Variants in NACA observed in about 807,000 individuals in gnomAD.
The protein encoded by NACA is nascent polypeptide associated complex subunit alpha.
NACA carries 42 observed loss-of-function variants against 86.4 expected under a neutral mutation model. The ratio of observed to expected loss-of-function variants is 0.49; its 90% CI spans 0.38 to 0.63. The LOEUF (loss-of-function observed/expected upper bound fraction) is 0.63, where lower values mean the gene tolerates loss of function less well. Among genes scored for constraint, NACA ranks in the 20% least tolerant of loss-of-function variants. NACA has a pLI of 0.00. For missense variants in NACA, 2,157 were observed against 2,483.6 expected, an observed-to-expected ratio of 0.87 and a Z score of 2.80; for synonymous variants, 898 against 973.7, an observed-to-expected ratio of 0.92 and a Z score of 1.45.
chr12:56,718,783 G>A lies in NACA; in HGVS notation c.2747C>T (p.Ser916Phe), dbSNP rs904023128. The A allele has an allele frequency of 2.1e-6, 3 of 1,445,872 alleles. No individual in the cohort carries two copies. The Admixed American group carries it at 5.5e-5, about 26-fold the overall frequency. 89.6% of individuals were successfully genotyped at this position (1,445,872 alleles called of 1,614,324 possible). A position where few individuals can be genotyped will look rare whatever the true frequency, so the allele number is the denominator to read the frequency against. ...AGTTGCTCGGGCCTTTTTGGGGGAG[G>A]AAGAAGTCATGGATAGAGCAGGAGC... ...KQAPALSMTS[S>F]SPKKARATPA... The change falls in exon 3 of 9, where the codon TCC becomes TTC. Residue 916 changes from serine to phenylalanine, a missense_variant. By Grantham distance (155) the Ser-to-Phe change is radical. Around this residue, in one of 8 missense-constraint regions of NACA, gnomAD observed 174 missense variants for 217.0 expected, o/e 0.80. Coordinates refer to ENST00000454682, the MANE Select transcript of NACA (RefSeq NM_001365896.1).
rs1382622180 is a variant in NACA at position 56,720,639 on chromosome 12, G to C, written c.891C>G (p.Thr297=). ...CCAGAGAAATGGGAAAATCTGGGGG[G>C]GTGTTGGGACCCGCAGTCTTTTGAG... is the stretch of plus-strand genomic sequence containing the variant. The part of the protein sequence containing the change: ...TSSQKTAGPN[T]PPDFPISLGS... The change falls in exon 3 of 9, where the codon ACC becomes ACG. Residue 297 remains threonine (T), a synonymous_variant. Transcript: ENST00000454682. The C allele has an allele frequency of 1.2e-6, 2 of 1,613,948 alleles. No homozygotes were observed. Among genetic ancestry groups the C allele is most frequent in the Admixed American group, 3.3e-5 (2 of 60,014 alleles).
chr12:56,724,429 G>C (rs752422558), intron 2 of NACA, 23 bp downstream of exon 2: 1 of 1,597,746 alleles, frequency 6.3e-7, no homozygotes, highest in East Asian at 2.2e-5. Flanking sequence ...TTAATTAATG[G>C]CAAGGAGGGT....
At chr12:56,723,042 AG>A (rs1164068199) in intron 2 of NACA, among the ~76,000 whole-genome samples, 1 of 152,236 alleles carries the variant, frequency 6.6e-6, no homozygotes, top group African/African-American at 2.4e-5. Context: ...TAACGATTAC[AG>A]GAAAACGCTA....
chr12:56,716,356 C>T lies in NACA; in HGVS notation c.5174G>A (p.Gly1725Asp). 1.2e-6 allele frequency: 2 copies of T among 1,611,964 alleles called. No individual in the cohort carries two copies. Among genetic ancestry groups the T allele is most frequent in the Non-Finnish European group, 1.7e-6 (2 of 1,179,212 alleles). ...CACTGTGGAAAGGGGTCCTTTAGAACCATTCTTAGCTGAGGGATCTGGGCA... is the reference window on the plus strand; with the variant it reads ...CACTGTGGAAAGGGGTCCTTTAGAATCATTCTTAGCTGAGGGATCTGGGCA... ...PICPDPSAKNGSKGPLSTVAP... is the reference protein window; with the variant it reads ...PICPDPSAKNDSKGPLSTVAP... Residue 1725 changes from glycine to aspartate, a missense_variant, in exon 3 of 9, where the codon GGT (glycine) becomes GAT (aspartate). Physicochemically the swap from Gly to Asp is moderately conservative, Grantham distance 94 (BLOSUM62 -1). Coordinates refer to ENST00000454682, the MANE Select transcript of NACA (RefSeq NM_001365896.1).
intron 2 of NACA, among the ~76,000 whole-genome samples, chr12:56,722,790 AC>A (rs1438387315): frequency 6.6e-6 from 1 of 151,558 alleles, no homozygotes; most frequent in Non-Finnish European, 1.5e-5. Context: ...GTCAAAATAC[AC>A]CAATGTTTGG....
rs377340336 is a variant in NACA at position 56,721,117 on chromosome 12, G to A, written c.413C>T (p.Ala138Val). Residue 138 changes from alanine (A) to valine (V), a missense_variant, in exon 3 of 9, where the codon GCT (alanine) becomes GTT (valine). Coordinates refer to ENST00000454682, the MANE Select transcript of NACA (RefSeq NM_001365896.1). ...TGAGTGGGGAGCCAGGGCAACCAGA[G>A]CTAAGGGAGCTGAAGAGGAAGGGGT... ...KGTPSSSAPL[A>V]LVALAPHSVQ... is the part of the protein sequence containing the mutation. The A allele has an allele frequency of 3.1e-6, 5 of 1,613,854 alleles. No homozygotes were observed. The highest frequency in any genetic ancestry group is 1.7e-5 in the Admixed American group (1 of 59,996).
At position 56,719,438 on chromosome 12, in the gene NACA, A is replaced by G. The variant is rs2137823086; in HGVS notation, c.2092T>C (p.Leu698=). 1.9e-6 allele frequency: 3 copies of G among 1,613,010 alleles called. No individual in the cohort carries two copies. The South Asian group carries it at 3.3e-5, about 18-fold the overall frequency. ...TCTGAAGCTGTAGGAACCAAGGGTA[A>G]AGTAGTAAGAGTACCTTCCTTAACT... is the stretch of plus-strand genomic sequence containing the variant. ...HPVKEGTLTT[L]PLVPTASENC... The change falls in exon 3 of 9, where the codon TTA becomes CTA. Residue 698 remains leucine, a synonymous_variant. Coordinates refer to ENST00000454682, the MANE Select transcript of NACA (RefSeq NM_001365896.1).
rs546360887 is a variant in NACA, at chr12:56,716,317, A to G, written c.5213T>C (p.Leu1738Pro). ...GPLSTVAPAP[L>P]LPVQKDSSKT... ...TGAAGAGTCTTTCTGAACAGGGAGT[A>G]GAGGGGCTGGAGCCACTGTGGAAAG... The change falls in exon 3 of 9, where the codon CTA becomes CCA. Residue 1738 changes from leucine to proline, a missense_variant. Physicochemically the swap from Leu to Pro is moderately conservative, Grantham distance 98. Coordinates refer to ENST00000454682, the MANE Select transcript of NACA (RefSeq NM_001365896.1). 9.3e-6 allele frequency: 15 copies of G among 1,612,908 alleles called. No homozygotes were observed. In the East Asian group the frequency reaches 3.3e-4, roughly 36 times the overall value.
In NACA at chr12:56,715,924, CCAG is replaced by C; in HGVS notation, c.5603_5605del (p.Ala1868del). 6.6e-7 allele frequency: 1 copy of C among 1,523,380 alleles called. No individual in the cohort carries two copies. Among genetic ancestry groups the C allele is most frequent in the Non-Finnish European group, 8.8e-7 (1 of 1,135,790 alleles). 94.4% of individuals were successfully genotyped at this position (1,523,380 alleles called of 1,614,324 possible). On this transcript the variant is annotated inframe_deletion, in exon 3 of 9. Coordinates refer to ENST00000454682, the MANE Select transcript of NACA (RefSeq NM_001365896.1). The stretch of plus-strand genomic sequence containing the variant: ...GGCAGAGGGGGTTGGGACAGGGATT[CCAG>C]CAGATTTAGGGGTGGGCATGTTGAC...
rs75059669 is a variant in NACA, at chr12:56,721,300, G to A, written c.230C>T (p.Pro77Leu). 4.5e-4 allele frequency: 733 copies of A among 1,612,836 alleles called. 1 individual carries two copies. The African/African-American group carries it at 9.3e-3, about 20-fold the overall frequency. The change falls in exon 3 of 9, where the codon CCT (proline) becomes CTT (leucine). Residue 77 changes from proline to leucine, a missense_variant. Transcript: ENST00000454682. ...FPSPSTIAST[P>L]LEVPFPQSSS... The stretch of plus-strand genomic sequence containing the variant: ...TGACTGGGGAAAAGGAACTTCTAAA[G>A]GGGTCGAGGCAATAGTAGAGGGGGA...
In NACA at chr12:56,716,745, G is replaced by A. The variant is rs752651361; in HGVS notation, c.4785C>T (p.Ser1595=). Residue 1595 remains serine (S), a synonymous_variant, in exon 3 of 9, where the codon TCC becomes TCT. Coordinates refer to ENST00000454682, the MANE Select transcript of NACA (RefSeq NM_001365896.1). ...VTPSTYKGAP[S]PKELLIPPAV... ...CTGGTGGAATGAGGAGCTCTTTGGG[G>A]GATGGGGCCCCTTTGTAAGTGGAAG... 1.2e-5 allele frequency: 17 copies of A among 1,385,914 alleles called. No homozygotes were observed. The South Asian group carries it at 1.8e-4, about 15-fold the overall frequency. 85.9% of individuals were successfully genotyped at this position (1,385,914 alleles called of 1,614,324 possible).
Position 56,719,710 on chromosome 12 carries a change from C to G in NACA, c.1820G>C (p.Ser607Thr). 1.9e-6 allele frequency: 3 copies of G among 1,613,948 alleles called. No homozygotes were observed. Among genetic ancestry groups the G allele is most frequent in the Non-Finnish European group, 2.5e-6 (3 of 1,179,872 alleles). Residue 607 changes from serine to threonine, a missense_variant, in exon 3 of 9, where the codon AGT becomes ACT. By Grantham distance (58) the Ser-to-Thr change is moderately conservative. This residue lies in a region of NACA where 947 missense variants were observed against 917.9 expected (regional missense o/e 1.03). Transcript: ENST00000454682. ...GTTAACACCCAGAGGGGAGGTCATA[C>G]TGCTGGCTGGCTTACCTATAGGGAG... Reference protein sequence around the residue: ...EPLPIGKPASSMTSPLGVNSS... With the variant: ...EPLPIGKPASTMTSPLGVNSS...
intron 5 of NACA, 193 bp from the exon 6 acceptor site, chr12:56,713,876 C>T: frequency 1.7e-6 from 1 of 592,220 alleles, no homozygotes; most frequent in Non-Finnish European, 2.9e-6. Flanking sequence ...AGGTCTTGCT[C>T]TGTCGCCCAG....
intron 6 of NACA, 39 bp from the exon 7 acceptor site, chr12:56,713,229 G>C (rs1953263250): frequency 6.2e-7 from 1 of 1,603,778 alleles, no homozygotes; most frequent in Non-Finnish European, 8.5e-7. Flanking sequence ...GAGTAGATTA[G>C]CAGTCTTTGA....
chr12:56,714,298 AAT>A, intron 5 of NACA, 62 bp downstream of exon 5: 1 of 1,535,934 alleles, frequency 6.5e-7, no homozygotes, highest in Non-Finnish European at 9.0e-7. Flanking sequence ...AACCTATGGA[AAT>A]AAACAGTTCC....
At chr12:56,712,987 T>C in intron 7 of NACA, 75 bp downstream of exon 7, 1 of 1,611,058 alleles carries the variant, frequency 6.2e-7, no homozygotes, top group Non-Finnish European at 8.5e-7. Context: ...CTGAATCTAG[T>C]TTTTAATATA....
In NACA at chr12:56,712,858, T is replaced by C; in HGVS notation, c.6150A>G (p.Gln2050=). ...CTGCCTTTGCTCTCGACACATTTGCTTGTGACATGACCAATTCAATGTCCT... is the reference window on the plus strand; with the variant it reads ...CTGCCTTTGCTCTCGACACATTTGCCTGTGACATGACCAATTCAATGTCCT... The part of the protein sequence containing the change: ...EVKDIELVMS[Q]ANVSRAKAVR... Residue 2050 remains glutamine, a synonymous_variant, in exon 8 of 9, where the codon CAA becomes CAG. Transcript: ENST00000454682. 1 of 1,614,210 alleles carries C rather than the reference T, an allele frequency of 6.2e-7. No homozygotes were observed. Among genetic ancestry groups the C allele is most frequent in the Non-Finnish European group, 8.5e-7 (1 of 1,180,034 alleles).
In NACA at chr12:56,718,507, G is replaced by A. The variant is rs772223765; in HGVS notation, c.3023C>T (p.Ala1008Val). 2.3e-5 allele frequency: 28 copies of A among 1,243,476 alleles called. No homozygotes were observed. The highest frequency in any genetic ancestry group is 2.9e-5 in the Non-Finnish European group (28 of 977,920). 77.0% of individuals were successfully genotyped at this position (1,243,476 alleles called of 1,614,324 possible). A position where few individuals can be genotyped will look rare whatever the true frequency, so the allele number is the denominator to read the frequency against. ...GGPATPSPKGAPTPPAVTPPS... is the reference protein window; with the variant it reads ...GGPATPSPKGVPTPPAVTPPS... ...AGGAGTCACAGCTGGGGGTGTGGGG[G>A]CCCCTTTGGGGGATGGAGTAGCTGG... Residue 1008 changes from alanine (A) to valine (V), a missense_variant, in exon 3 of 9, where the codon GCC (alanine) becomes GTC (valine). By Grantham distance (64) the Ala-to-Val change is moderately conservative (BLOSUM62 0). Around this residue, in one of 8 missense-constraint regions of NACA, gnomAD observed 124 missense variants for 186.5 expected, o/e 0.66. Coordinates refer to ENST00000454682, the MANE Select transcript of NACA (RefSeq NM_001365896.1).
At chr12:56,713,035 T>TA in intron 7 of NACA, 27 bp downstream of exon 7, 4 of 1,613,650 alleles carry the variant, frequency 2.5e-6, no homozygotes, top group Non-Finnish European at 2.5e-6. Context: ...CGGCGAGAGT[T>TA]AAATTATGAA....
Sources: allele counts gnomAD v4.1 joint callset (sites outside exome capture counted in the v4.1 genomes callset), GRCh38; gene constraint gnomAD v4.1.1; regional missense constraint gnomAD v4.1.1; transcripts MANE v1.5; gene names NCBI Gene and HGNC (gene_info 2026-07-23, HGNC 2026-07-21).